LTAP1: variants seen among roughly 807,000 people sequenced by gnomAD.
LTAP1 encodes the protein HCV NS5A-transactivated protein 4.
At chr1:154,208,110 A>G in the LTAP1 span, among the ~76,000 whole-genome samples, 1 of 151,486 alleles carries the variant, frequency 6.6e-6, no homozygotes, top group Non-Finnish European at 1.5e-5. Context: ...AAAAAAAAAA[A>G]GTAGCAGAGA....
At chr1:154,218,800 A>G in the LTAP1 span, among the ~76,000 whole-genome samples, 2 of 152,228 alleles carry the variant, frequency 1.3e-5, no homozygotes, top group Non-Finnish European at 2.9e-5. Context: ...CGGAAGAGAG[A>G]GGCATGTTTT....
At chr1:154,214,415 G>A in the LTAP1 span, 6 of 1,291,734 alleles carry the variant, frequency 4.6e-6, no homozygotes, top group Non-Finnish European at 6.7e-6. Flanking sequence ...TTCTGGACTT[G>A]TGGGACTCCT....
At chr1:154,217,958 G>A in the LTAP1 span, among the ~76,000 whole-genome samples, 1 of 151,796 alleles carries the variant, frequency 6.6e-6, no homozygotes, top group East Asian at 1.9e-4. Flanking sequence ...TAGAAACAAG[G>A]TCTTGCTCTT....
At chr1:154,217,007 T>C in the LTAP1 span, among the ~76,000 whole-genome samples, 4 of 151,206 alleles carry the variant, frequency 2.6e-5, no homozygotes, top group East Asian at 7.8e-4. Flanking sequence ...TGGAGTGCAA[T>C]GGTGTGATCT....
chr1:154,212,303 T>C, the LTAP1 span: 13 of 1,613,844 alleles, frequency 8.1e-6, no homozygotes, highest in African/African-American at 1.7e-4. Flanking sequence ...CTCTGACACG[T>C]TCCCCTCCAA....
At chr1:154,212,637 C>T in the LTAP1 span, 6 of 1,613,434 alleles carry the variant, frequency 3.7e-6, no homozygotes, top group Admixed American at 3.3e-5. Flanking sequence ...GTGGAGAAAA[C>T]AGCACAATGA....
At chr1:154,220,151 G>A in the LTAP1 span, 1 of 761,804 alleles carries the variant, frequency 1.3e-6, no homozygotes, top group African/African-American at 1.7e-5. Context: ...GTTAAAGGGA[G>A]GGTTCTAGAC....
At chr1:154,220,575 A>C in the LTAP1 span, 5 of 671,058 alleles carry the variant, frequency 7.5e-6, no homozygotes, top group African/African-American at 1.8e-5. Context: ...GACAGGCAGG[A>C]GAGCTGGGAA....
At chr1:154,211,324 C>CTTTTTTTTTT in the LTAP1 span, among the ~76,000 whole-genome samples, 17 of 34,040 alleles carry the variant, frequency 5.0e-4, 1 homozygote, top group Non-Finnish European at 7.6e-4. Context: ...TTATTTAATT[C>CTTTTTTTTTT]TTTTTTTTTT....
At chr1:154,208,950 GTTGGCCAGGCTGGTC>G in the LTAP1 span, among the ~76,000 whole-genome samples, 1 of 152,132 alleles carries the variant, frequency 6.6e-6, no homozygotes. Flanking sequence ...GTTTCACCAT[GTTGGCCAGGCTGGTC>G]TTGAACTCCT....
the LTAP1 span, among the ~76,000 whole-genome samples, chr1:154,209,906 A>G: frequency 6.6e-6 from 1 of 151,112 alleles, no homozygotes; most frequent in Non-Finnish European, 1.5e-5. Context: ...TTTTATTTTT[A>G]GTAGAGACAG....
At chr1:154,211,283 G>A in the LTAP1 span, among the ~76,000 whole-genome samples, 8 of 147,816 alleles carry the variant, frequency 5.4e-5, no homozygotes, top group Admixed American at 3.4e-4. Flanking sequence ...GATTATAGGC[G>A]TGAGCCACCG....
the LTAP1 span, among the ~76,000 whole-genome samples, chr1:154,210,849 G>C: frequency 6.6e-6 from 1 of 151,986 alleles, no homozygotes. Flanking sequence ...GAAAATACGA[G>C]ACTATGTTTA....
At chr1:154,220,370 A>G in the LTAP1 span, 3 of 1,614,210 alleles carry the variant, frequency 1.9e-6, no homozygotes, top group Non-Finnish European at 2.5e-6. Flanking sequence ...CACCAGCACG[A>G]CATTCACCCC....
the LTAP1 span, chr1:154,219,845 A>T: frequency 3.1e-6 from 5 of 1,606,608 alleles, no homozygotes; most frequent in Non-Finnish European, 3.4e-6. Flanking sequence ...CCTTGGGGGC[A>T]TTGTGTCCCA....
the LTAP1 span, chr1:154,220,267 CG>C: frequency 1.3e-6 from 2 of 1,544,516 alleles, no homozygotes; most frequent in Non-Finnish European, 1.8e-6. Context: ...AGAATGCAGA[CG>C]GGGTACAGCT....
At chr1:154,209,779 G>C in the LTAP1 span, among the ~76,000 whole-genome samples, 1 of 151,306 alleles carries the variant, frequency 6.6e-6, no homozygotes, top group East Asian at 1.9e-4. Flanking sequence ...ATTTTTAGTA[G>C]AGACTGGTTT....
the LTAP1 span, chr1:154,214,550 G>A: frequency 1.2e-6 from 2 of 1,612,098 alleles, no homozygotes; most frequent in South Asian, 1.1e-5. Flanking sequence ...CTGGAGAGTC[G>A]AATATCAATC....
At chr1:154,212,178 A>T in the LTAP1 span, 1 of 922,420 alleles carries the variant, frequency 1.1e-6, no homozygotes, top group Non-Finnish European at 1.8e-6. Flanking sequence ...CTAATGTAAG[A>T]GACTGATCTA....
Sources: allele counts gnomAD v4.1 joint callset (sites outside exome capture counted in the v4.1 genomes callset), GRCh38; gene constraint gnomAD v4.1.1; transcripts MANE v1.5; gene names NCBI Gene and HGNC (gene_info 2026-07-23, HGNC 2026-07-21).